WWOX: variants seen among roughly 807,000 people sequenced by gnomAD.
WWOX encodes WW domain containing oxidoreductase.
In WWOX, 69 loss-of-function variants were observed where a neutral mutation model predicts 46.2. The observed-to-expected ratio is 1.49, with a 90% CI of 1.23 to 1.82. The LOEUF is 1.82. WWOX is among the 40% of genes most tolerant of loss of function. The probability of loss-of-function intolerance (pLI) is 0.00; values close to 1 mark genes in which losing one functional copy is unlikely to be tolerated. For missense variants in WWOX, 919 were observed against 542.6 expected (o/e 1.69, Z -6.89); for synonymous variants, 359 against 202.6 (o/e 1.77, Z -6.56).
At chr16:79,148,425 G>C (rs966733969) in intron 8 of WWOX, among the ~76,000 whole-genome samples, 3 of 152,134 alleles carry the variant, frequency 2.0e-5, no homozygotes, top group African/African-American at 7.2e-5. Context: ...TGATCTATGT[G>C]TCTGTCTCTC....
intron 8 of WWOX, among the ~76,000 whole-genome samples, chr16:79,190,020 C>G (rs428420): frequency 0.68 from 103,360 of 151,462 alleles, 36,515 homozygotes; most frequent in African/African-American, 0.87. Context: ...TTCATAACGC[C>G]TTGTTTTTTA....
chr16:78,687,668 A>G (rs1375087728), intron 8 of WWOX, among the ~76,000 whole-genome samples: 3 of 152,194 alleles, frequency 2.0e-5, no homozygotes, highest in African/African-American at 4.8e-5. Flanking sequence ...CCTCTATTAC[A>G]CAGTACTAGG....
At chr16:78,107,082 C>T (rs2151663806) in intron 1 of WWOX, among the ~76,000 whole-genome samples, 1 of 152,296 alleles carries the variant, frequency 6.6e-6, no homozygotes. Context: ...TATTTATTTT[C>T]TGTAAAATAA....
chr16:78,507,907 C>G (rs1204129461), intron 8 of WWOX, among the ~76,000 whole-genome samples: 1 of 152,008 alleles, frequency 6.6e-6, no homozygotes, highest in Non-Finnish European at 1.5e-5. Context: ...TGGCCCCATA[C>G]GTATTTGTAA....
chr16:78,420,881 C>G (rs2082912170), intron 6 of WWOX, among the ~76,000 whole-genome samples: 1 of 152,048 alleles, frequency 6.6e-6, no homozygotes, highest in South Asian at 2.1e-4. Context: ...GTAATCCTGA[C>G]TGTATATCTG....
At chr16:78,649,092 G>GTCTCCCAAGTAGCTGAGATTACAGGCGC in intron 8 of WWOX, among the ~76,000 whole-genome samples, 1 of 152,142 alleles carries the variant, frequency 6.6e-6, no homozygotes, top group East Asian at 1.9e-4. Context: ...TCCTGCCTCA[G>GTCTCCCAAGTAGCTGAGATTACAGGCGC]TCTCCCAAGT....
chr16:78,784,243 A>T (rs2050401027), intron 8 of WWOX, among the ~76,000 whole-genome samples: 1 of 152,150 alleles, frequency 6.6e-6, no homozygotes, highest in African/African-American at 2.4e-5. Context: ...TTTATAGATG[A>T]GGAAACCTTG....
chr16:79,078,960 T>G (rs908957053), intron 8 of WWOX, among the ~76,000 whole-genome samples: 1 of 152,206 alleles, frequency 6.6e-6, no homozygotes, highest in Non-Finnish European at 1.5e-5. Context: ...GGCCCTGAAG[T>G]TATTTTTCCC....
intron 8 of WWOX, chr16:78,996,351 A>G: frequency 1.0e-5 from 10 of 981,806 alleles, no homozygotes; most frequent in Non-Finnish European, 1.2e-5. Flanking sequence ...ATGAAATAGA[A>G]AGAGTGTGAG....
chr16:78,427,995 G>C (rs1257442569), intron 7 of WWOX, among the ~76,000 whole-genome samples: 1 of 152,138 alleles, frequency 6.6e-6, no homozygotes, highest in African/African-American at 2.4e-5. Flanking sequence ...TTGAACTTGG[G>C]AGGTGGAGAT....
chr16:78,330,111 T>C (rs1201784059), intron 5 of WWOX, among the ~76,000 whole-genome samples: 1 of 152,174 alleles, frequency 6.6e-6, no homozygotes, highest in Non-Finnish European at 1.5e-5. Context: ...AACGCGTAAA[T>C]GTTTAAAATA....
chr16:79,034,434 C>T (rs1399174766), intron 8 of WWOX, among the ~76,000 whole-genome samples: 3 of 152,184 alleles, frequency 2.0e-5, no homozygotes, highest in Non-Finnish European at 4.4e-5. Flanking sequence ...CTGCCTGGGC[C>T]TTGTACTCTG....
intron 8 of WWOX, among the ~76,000 whole-genome samples, chr16:79,039,318 G>A (rs1048393031): frequency 6.6e-6 from 1 of 152,042 alleles, no homozygotes; most frequent in Non-Finnish European, 1.5e-5. Flanking sequence ...CCTGCCAGCA[G>A]AAGCCAAGTC....
rs869227421 is a variant in WWOX, at chr16:78,702,007, TTATATATA to T, written c.1056+269286_1056+269293del. Reference sequence around the variant, plus strand: ...GGAGACTAGCCTGGGCTACATAAAATTATATATATATATATATATATATATATATATAT... The same window carrying T: ...GGAGACTAGCCTGGGCTACATAAAATTATATATATATATATATATATATAT... On this transcript the variant is annotated intron_variant, in intron 8 of 8. Transcript: ENST00000566780. Among the ~76,000 whole-genome samples, 447 of 57,610 alleles carry T rather than the reference TTATATATA, an allele frequency of 7.8e-3. 13 individuals carry two copies. The highest frequency in any genetic ancestry group is 0.026 in the African/African-American group (398 of 15,268). The allele number at this position is 57,610 out of a possible 152,430, so 37.8% of individuals were successfully genotyped here.
intron 8 of WWOX, among the ~76,000 whole-genome samples, chr16:78,650,038 A>G (rs541196110): frequency 7.2e-5 from 11 of 152,116 alleles, no homozygotes; most frequent in African/African-American, 2.4e-4. Flanking sequence ...TTGGAAGCCT[A>G]TTGTACTTTA....
chr16:78,909,381 T>G (rs550184978), intron 8 of WWOX, among the ~76,000 whole-genome samples: 94 of 152,308 alleles, frequency 6.2e-4, no homozygotes, highest in African/African-American at 2.1e-3. Context: ...GTTCAGCTGT[T>G]AAGATTGTTA....
chr16:78,930,035 T>G (rs2045584513), intron 8 of WWOX, among the ~76,000 whole-genome samples: 2 of 152,128 alleles, frequency 1.3e-5, no homozygotes, highest in Non-Finnish European at 2.9e-5. Context: ...AAGTCCCACA[T>G]GGACTTCTTG....
intron 4 of WWOX, among the ~76,000 whole-genome samples, chr16:78,139,885 C>G (rs1483339524): frequency 1.3e-5 from 2 of 152,168 alleles, no homozygotes; most frequent in African/African-American, 4.8e-5. Context: ...ACTCCAGGCA[C>G]TTTAGGAAAT....
chr16:79,052,926 C>A (rs5021354), intron 8 of WWOX, among the ~76,000 whole-genome samples: 92,981 of 145,388 alleles, frequency 0.64, 30,319 homozygotes, highest in African/African-American at 0.8. Flanking sequence ...CAGTTGATCT[C>A]ACTGATTCAT....
Sources: allele counts gnomAD v4.1 joint callset (sites outside exome capture counted in the v4.1 genomes callset), GRCh38; gene constraint gnomAD v4.1.1; transcripts MANE v1.5; gene names NCBI Gene and HGNC (gene_info 2026-07-23, HGNC 2026-07-21).